DCC: variants seen among roughly 807,000 people sequenced by gnomAD.
DCC encodes the protein netrin receptor DCC.
DCC carries 58 observed loss-of-function variants against 172.5 expected under a neutral mutation model. The ratio of observed to expected loss-of-function variants is 0.34; its 90% CI spans 0.27 to 0.42. The LOEUF (loss-of-function observed/expected upper bound fraction) is 0.42, where lower values mean the gene tolerates loss of function less well. DCC is among the 10% of genes least tolerant of loss of function. DCC has a pLI of 1.00. For missense variants in DCC, 1,740 were observed against 1,791.0 expected (o/e 0.97, Z 0.51); for synonymous variants, 709 against 644.5 (o/e 1.10, Z -1.52).
At chr18:52,972,047 C>T (rs1000304033) in intron 5 of DCC, among the ~76,000 whole-genome samples, 1 of 152,098 alleles carries the variant, frequency 6.6e-6, no homozygotes, top group African/African-American at 2.4e-5. Flanking sequence ...AATATGTAAC[C>T]TCTCTCAAAA....
chr18:53,033,076 C>G (rs1172188631), intron 5 of DCC, among the ~76,000 whole-genome samples: 2 of 152,214 alleles, frequency 1.3e-5, no homozygotes, highest in South Asian at 4.2e-4. Context: ...TGACAAGTGA[C>G]TGAAGACTCC....
intron 1 of DCC, among the ~76,000 whole-genome samples, chr18:52,525,466 G>C (rs1482466316): frequency 6.6e-6 from 1 of 152,152 alleles, no homozygotes; most frequent in Admixed American, 6.6e-5. Flanking sequence ...TGTAAATAAA[G>C]ATTTATCTAG....
intron 2 of DCC, among the ~76,000 whole-genome samples, chr18:52,839,399 C>G (rs1429415639): frequency 6.6e-6 from 1 of 152,128 alleles, no homozygotes; most frequent in Non-Finnish European, 1.5e-5. Flanking sequence ...CTTTGTCTCA[C>G]TTTGCTCCTG....
At chr18:52,977,432 C>G (rs1460029787) in intron 5 of DCC, among the ~76,000 whole-genome samples, 2 of 152,100 alleles carry the variant, frequency 1.3e-5, no homozygotes, top group Non-Finnish European at 2.9e-5. Flanking sequence ...TGAATTGAGA[C>G]ATGGAATGAG....
intron 2 of DCC, among the ~76,000 whole-genome samples, chr18:52,862,302 T>A (rs890435504): frequency 3.3e-5 from 5 of 152,122 alleles, no homozygotes; most frequent in African/African-American, 1.2e-4. Flanking sequence ...ATCAAAGGTT[T>A]AAAACACTTC....
chr18:52,932,945 T>C (rs1175939625), intron 5 of DCC, among the ~76,000 whole-genome samples: 1 of 152,064 alleles, frequency 6.6e-6, no homozygotes, highest in East Asian at 1.9e-4. Context: ...GATAATAGAC[T>C]AAGCTATTCA....
intron 22 of DCC, among the ~76,000 whole-genome samples, chr18:53,449,241 A>G (rs1017126974): frequency 2.6e-5 from 4 of 152,236 alleles, no homozygotes; most frequent in African/African-American, 7.2e-5. Flanking sequence ...TTAATTTTTA[A>G]GAAATGTGTA....
At chr18:52,986,505 T>G (rs556457282) in intron 5 of DCC, among the ~76,000 whole-genome samples, 1 of 152,276 alleles carries the variant, frequency 6.6e-6, no homozygotes, top group South Asian at 2.1e-4. Context: ...TAGTTTCGCC[T>G]GCTTTGTTTA....
At chr18:52,595,635 A>G (rs1218672016) in intron 1 of DCC, among the ~76,000 whole-genome samples, 1 of 152,202 alleles carries the variant, frequency 6.6e-6, no homozygotes, top group Admixed American at 6.5e-5. Context: ...CCCTCAAATG[A>G]AAGTCCTCAG....
At chr18:52,403,019 T>G (rs1173916764) in intron 1 of DCC, among the ~76,000 whole-genome samples, 1 of 152,010 alleles carries the variant, frequency 6.6e-6, no homozygotes, top group African/African-American at 2.4e-5. Context: ...TTCTGTGCAG[T>G]GGGAATGACT....
At chr18:52,778,841 T>G (rs1251854939) in intron 2 of DCC, among the ~76,000 whole-genome samples, 3 of 152,224 alleles carry the variant, frequency 2.0e-5, no homozygotes, top group Non-Finnish European at 4.4e-5. Flanking sequence ...ACATGGGCAT[T>G]GTATATGATA....
At chr18:53,509,786 C>G (rs549542014) in intron 27 of DCC, among the ~76,000 whole-genome samples, 1 of 152,226 alleles carries the variant, frequency 6.6e-6, no homozygotes, top group South Asian at 2.1e-4. Flanking sequence ...ACCTGTGGAA[C>G]ATAAACCAAT....
intron 1 of DCC, among the ~76,000 whole-genome samples, chr18:52,716,512 G>T (rs1452464153): frequency 6.6e-6 from 1 of 152,168 alleles, no homozygotes; most frequent in Non-Finnish European, 1.5e-5. Context: ...TGTGATTGAG[G>T]TTCTGACTCT....
At position 53,232,948 on chromosome 18, in the gene DCC, C is replaced by CTTT. The variant is rs1568381171; in HGVS notation, c.1911+17351_1911+17352insTTT. ...CTTGCTCCTTTCTTTTTTTTTTTTC[C>CTTT]CCAGGTATTATTATTCTTATTTTCT... On this transcript the variant is annotated intron_variant, in intron 12 of 28. Transcript: ENST00000442544. Among the ~76,000 whole-genome samples the CTTT allele has an allele frequency of 4.7e-3, 548 of 117,336 alleles. 3 individuals carry two copies. Among genetic ancestry groups the CTTT allele is most frequent in the African/African-American group, 0.012 (437 of 36,962 alleles). 77.0% of individuals were successfully genotyped at this position (117,336 alleles called of 152,430 possible).
At chr18:53,410,942 A>C (rs1909947061) in intron 20 of DCC, among the ~76,000 whole-genome samples, 1 of 152,150 alleles carries the variant, frequency 6.6e-6, no homozygotes, top group Non-Finnish European at 1.5e-5. Context: ...TGCTTCAGCC[A>C]TTTTATGTAA....
At chr18:53,222,633 G>A (rs1336035365) in intron 12 of DCC, among the ~76,000 whole-genome samples, 7 of 151,350 alleles carry the variant, frequency 4.6e-5, no homozygotes, top group South Asian at 2.1e-4. Flanking sequence ...TGATCTGCCC[G>A]CCTCGGCCTC....
At chr18:52,471,862 C>T (rs1261179593) in intron 1 of DCC, among the ~76,000 whole-genome samples, 1 of 152,140 alleles carries the variant, frequency 6.6e-6, no homozygotes, top group Admixed American at 6.5e-5. Flanking sequence ...TATTGTTTCC[C>T]TCATAGAGAA....
intron 20 of DCC, among the ~76,000 whole-genome samples, chr18:53,414,220 C>G (rs750867199): frequency 1.3e-5 from 2 of 152,194 alleles, no homozygotes; most frequent in African/African-American, 4.8e-5. Flanking sequence ...ATTCTAACCA[C>G]TAGCCCATCA....
chr18:53,412,651 C>CT (rs5825020), intron 20 of DCC, among the ~76,000 whole-genome samples: 65,645 of 151,900 alleles, frequency 0.43, 15,985 homozygotes, highest in Non-Finnish European at 0.56. Context: ...TCCCAGTACT[C>CT]ACTGGGTAAT....
Sources: allele counts gnomAD v4.1 joint callset (sites outside exome capture counted in the v4.1 genomes callset), GRCh38; gene constraint gnomAD v4.1.1; transcripts MANE v1.5; gene names NCBI Gene and HGNC (gene_info 2026-07-23, HGNC 2026-07-21).